ZDHHC11B: variants seen among roughly 807,000 people sequenced by gnomAD.
The protein encoded by ZDHHC11B is zDHHC palmitoyltransferase 11B (putative).
A neutral mutation model predicts 42.3 loss-of-function variants in ZDHHC11B; 17 were observed. That is an observed-to-expected ratio of 0.40 (90% CI 0.27 to 0.60). The LOEUF (loss-of-function observed/expected upper bound fraction) is 0.60, where lower values mean the gene tolerates loss of function less well. ZDHHC11B is among the 20% of genes least tolerant of loss of function. ZDHHC11B has a pLI of 0.41. For synonymous variants in ZDHHC11B, 123 were observed against 193.5 expected (o/e 0.64, Z 3.02); for missense variants, 262 against 463.2 (o/e 0.57, Z 3.99).
intron 13 of ZDHHC11B, among the ~76,000 whole-genome samples, chr5:716,030 G>A (rs1477650660): frequency 6.6e-6 from 1 of 150,522 alleles, no homozygotes; most frequent in East Asian, 1.9e-4. Context: ...CCTCTCTGAA[G>A]CATTGTGAGA....
chr5:724,160 G>T (rs1742389543), intron 12 of ZDHHC11B, among the ~76,000 whole-genome samples: 1 of 151,434 alleles, frequency 6.6e-6, no homozygotes, highest in Non-Finnish European at 1.5e-5. Context: ...AGTTCCCCTT[G>T]GACGTCTGCA....
chr5:737,294 C>G (rs1456605545), intron 10 of ZDHHC11B, among the ~76,000 whole-genome samples: 1 of 148,092 alleles, frequency 6.8e-6, no homozygotes, highest in African/African-American at 2.5e-5. Flanking sequence ...AGATTAATAA[C>G]AAGTAGCGAG....
At chr5:719,396 A>T (rs1742015476) in intron 12 of ZDHHC11B, among the ~76,000 whole-genome samples, 1 of 151,732 alleles carries the variant, frequency 6.6e-6, no homozygotes, top group Admixed American at 6.6e-5. Flanking sequence ...TATGCTCAGT[A>T]AACTAAAGGA....
rs142461716 is a variant in ZDHHC11B at position 731,878 on chromosome 5, CTG to C, written c.1024-1412_1024-1411del. On this transcript the variant is annotated intron_variant, in intron 11 of 13. Coordinates refer to ENST00000508859, the MANE Select transcript of ZDHHC11B (RefSeq NM_001351303.2). ...GCACTGCTTTCTAGGTGGGACTGAG[CTG>C]TGTGTGTGTGTTTGGCATGTGGTTA... The C allele has an allele frequency of 4.7e-3, 716 of 151,990 alleles. 2 individuals carry two copies. The highest frequency in any genetic ancestry group is 6.7e-3 in the Non-Finnish European group (454 of 67,946). The allele number at this position is 151,990 out of a possible 1,614,324, so 9.4% of individuals were successfully genotyped here. A position where few individuals can be genotyped will look rare whatever the true frequency, so the allele number is the denominator to read the frequency against.
chr5:772,711 C>T lies in ZDHHC11B; in HGVS notation c.-229-3781G>A, dbSNP rs1231365500. On this transcript the variant is annotated intron_variant, in intron 1 of 13. Coordinates refer to ENST00000508859, the MANE Select transcript of ZDHHC11B (RefSeq NM_001351303.2). ...CAGTTCTGGAGGGAAAAGTGGAACCCGTCCCAACTCAGCCCCAGCCTTTCT... is the reference window on the plus strand; with the variant it reads ...CAGTTCTGGAGGGAAAAGTGGAACCTGTCCCAACTCAGCCCCAGCCTTTCT... Among the ~76,000 whole-genome samples, 7 of 151,826 alleles carry T rather than the reference C, an allele frequency of 4.6e-5. No homozygotes were observed. In the East Asian group the frequency reaches 5.8e-4, roughly 13 times the overall value.
intron 1 of ZDHHC11B, among the ~76,000 whole-genome samples, chr5:776,577 T>G (rs1202231796): frequency 6.6e-6 from 1 of 151,786 alleles, no homozygotes; most frequent in African/African-American, 2.4e-5. Context: ...TGGACAGCTC[T>G]CAGCTCGAGA....
At chr5:728,637 C>T (rs1242306671) in intron 12 of ZDHHC11B, among the ~76,000 whole-genome samples, 2 of 151,972 alleles carry the variant, frequency 1.3e-5, no homozygotes, top group African/African-American at 4.8e-5. Flanking sequence ...TATTTTTAAC[C>T]TATACTATCA....
intron 13 of ZDHHC11B, among the ~76,000 whole-genome samples, chr5:715,803 G>A (rs529992535): frequency 1.2e-4 from 18 of 151,520 alleles, no homozygotes; most frequent in African/African-American, 4.1e-4. Context: ...TGTCCTCTAG[G>A]GTGCTGGTCA....
chr5:761,825 C>T (rs1202054488), intron 4 of ZDHHC11B, among the ~76,000 whole-genome samples: 7 of 152,000 alleles, frequency 4.6e-5, no homozygotes, highest in Non-Finnish European at 7.4e-5. Flanking sequence ...GACACAAAGT[C>T]TTCTACTCAC....
chr5:751,745 CG>C (rs1224169019), intron 6 of ZDHHC11B, among the ~76,000 whole-genome samples: 2 of 127,018 alleles, frequency 1.6e-5, no homozygotes, highest in African/African-American at 2.6e-5. Flanking sequence ...CATCCTGTGA[CG>C]CCCCCCCAGG....
chr5:719,240 T>C (rs1742003582), intron 12 of ZDHHC11B, among the ~76,000 whole-genome samples: 2 of 151,668 alleles, frequency 1.3e-5, no homozygotes, highest in African/African-American at 4.9e-5. Flanking sequence ...ATACACAGAA[T>C]ATCCAGTTTT....
In ZDHHC11B at chr5:716,909, T is replaced by C. The variant is rs775049927; in HGVS notation, c.1059-44A>G. 50 of 1,611,826 alleles carry C rather than the reference T, an allele frequency of 3.1e-5. 1 individual carries two copies. The African/African-American group carries it at 3.4e-4, about 11-fold the overall frequency. On this transcript the variant is annotated intron_variant, in intron 12 of 13. Transcript: ENST00000508859. ...AAGAGAGACAACAGAGAACGTATGA[T>C]GTAATACTTGTTATACTGCCAAAGT... is the stretch of plus-strand genomic sequence containing the variant.
rs1033805330 is a variant in ZDHHC11B, at chr5:771,226, C to A, written c.-229-2296G>T. Among the ~76,000 whole-genome samples the A allele has an allele frequency of 3.3e-5, 5 of 151,826 alleles. No individual in the cohort carries two copies. The East Asian group carries it at 9.6e-4, about 29-fold the overall frequency. On this transcript the variant is annotated intron_variant, in intron 1 of 13. Transcript: ENST00000508859. ...AGCGCCAGTCATGGCCAAAGTGTGG[C>A]TCTGTCATCGTGGGGGTCCTGAGTG...
chr5:718,384 A>G (rs1284908824), intron 12 of ZDHHC11B, among the ~76,000 whole-genome samples: 3 of 151,738 alleles, frequency 2.0e-5, no homozygotes, highest in African/African-American at 7.3e-5. Flanking sequence ...TGAAGAAAGG[A>G]GAAGCTGGGC....
intron 1 of ZDHHC11B, among the ~76,000 whole-genome samples, chr5:775,335 C>G (rs1446496520): frequency 1.3e-5 from 2 of 151,910 alleles, no homozygotes; most frequent in Non-Finnish European, 2.9e-5. Context: ...GCCTCAGTCT[C>G]CTCATCCTTG....
chr5:756,274 C>G lies in ZDHHC11B; in HGVS notation c.223-130G>C. 5 of 1,367,978 alleles carry G rather than the reference C, an allele frequency of 3.7e-6. No homozygotes were observed. In the South Asian group the frequency reaches 5.6e-5, roughly 15 times the overall value. The allele number at this position is 1,367,978 out of a possible 1,614,324, so 84.7% of individuals were successfully genotyped here. A position where few individuals can be genotyped will look rare whatever the true frequency, so the allele number is the denominator to read the frequency against. ...GCTCACCCAGCCCTGCACACGTGAGCCCAGCTCACCCAGGCCTGGCCCTGC... is the reference window on the plus strand; with the variant it reads ...GCTCACCCAGCCCTGCACACGTGAGGCCAGCTCACCCAGGCCTGGCCCTGC... On this transcript the variant is annotated intron_variant, in intron 4 of 13. Transcript: ENST00000508859.
chr5:775,438 G>C (rs1393836979), intron 1 of ZDHHC11B, among the ~76,000 whole-genome samples: 5 of 151,986 alleles, frequency 3.3e-5, no homozygotes, highest in Non-Finnish European at 5.9e-5. Context: ...GAAAGACTCT[G>C]TGATGGCAGC....
chr5:763,143 G>A (rs1734836401), intron 4 of ZDHHC11B, among the ~76,000 whole-genome samples: 1 of 151,882 alleles, frequency 6.6e-6, no homozygotes, highest in Non-Finnish European at 1.5e-5. Flanking sequence ...ACCGAGGTGG[G>A]TGGATCACAA....
rs1405887028 is a variant in ZDHHC11B, at chr5:773,736, G to T, written c.-229-4806C>A. Among the ~76,000 whole-genome samples, 2 of 151,812 alleles carry T rather than the reference G, an allele frequency of 1.3e-5. 1 individual carries two copies. The highest frequency in any genetic ancestry group is 4.8e-5 in the African/African-American group (2 of 41,294). On this transcript the variant is annotated intron_variant, in intron 1 of 13. Coordinates refer to ENST00000508859, the MANE Select transcript of ZDHHC11B (RefSeq NM_001351303.2). The stretch of plus-strand genomic sequence containing the variant: ...CCCCACGGGAGCCCAAGTGGGGCCT[G>T]GCCAGGAACTGCTTGGAGGCTGAGC...
Sources: allele counts gnomAD v4.1 joint callset (sites outside exome capture counted in the v4.1 genomes callset), GRCh38; gene constraint gnomAD v4.1.1; transcripts MANE v1.5; gene names NCBI Gene and HGNC (gene_info 2026-07-23, HGNC 2026-07-21).